FAM107B: variants seen among roughly 807,000 people sequenced by gnomAD.
The protein encoded by FAM107B is protein FAM107B.
FAM107B carries 21 observed loss-of-function variants against 31.5 expected under a neutral mutation model. The ratio of observed to expected loss-of-function variants is 0.67; its 90% CI spans 0.47 to 0.96. FAM107B has a LOEUF of 0.96. FAM107B is among the 40% of genes least tolerant of loss of function. The probability of loss-of-function intolerance (pLI) is 0.00; values close to 1 mark genes in which losing one functional copy is unlikely to be tolerated. For synonymous variants in FAM107B, 157 were observed against 141.5 expected (o/e 1.11, Z -0.78); for missense variants, 452 against 377.1 (o/e 1.20, Z -1.64).
intron 1 of FAM107B, among the ~76,000 whole-genome samples, chr10:14,720,367 C>T (rs184291532): frequency 2.6e-5 from 4 of 152,296 alleles, no homozygotes; most frequent in African/African-American, 9.6e-5. Context: ...GATTCTCCTG[C>T]CTCGGGCTCC....
intron 1 of FAM107B, among the ~76,000 whole-genome samples, chr10:14,718,518 G>A (rs1217768462): frequency 1.4e-5 from 2 of 138,182 alleles, no homozygotes; most frequent in Non-Finnish European, 3.2e-5. Context: ...GGGAGGGAGG[G>A]AAACGAAGGA....
intron 2 of FAM107B, among the ~76,000 whole-genome samples, chr10:14,596,941 G>A (rs576109899): frequency 2.6e-5 from 4 of 152,244 alleles, no homozygotes; most frequent in Admixed American, 6.5e-5. Context: ...AGAAGACGAC[G>A]CTGGGAAACA....
At chr10:14,695,006 T>C (rs1261251168) in intron 1 of FAM107B, among the ~76,000 whole-genome samples, 1 of 152,172 alleles carries the variant, frequency 6.6e-6, no homozygotes, top group African/African-American at 2.4e-5. Flanking sequence ...TAGTTTGATA[T>C]AGTCCCGTTT....
At chr10:14,556,022 G>C (rs1037482691) in intron 2 of FAM107B, 1 of 152,468 alleles carries the variant, frequency 6.6e-6, no homozygotes, top group African/African-American at 2.4e-5. Context: ...TTACCTGGCT[G>C]CAAGTGCAAT....
At chr10:14,665,278 C>T (rs1262761568) in intron 2 of FAM107B, among the ~76,000 whole-genome samples, 3 of 152,124 alleles carry the variant, frequency 2.0e-5, no homozygotes, top group African/African-American at 7.2e-5. Context: ...GAAATCTTTA[C>T]CACTTTGCTG....
At chr10:14,576,234 A>G (rs11812947) in intron 2 of FAM107B, among the ~76,000 whole-genome samples, 14 of 152,310 alleles carry the variant, frequency 9.2e-5, no homozygotes, top group African/African-American at 3.4e-4. Flanking sequence ...ATTTTTTAAA[A>G]AGCCACTGAG....
At chr10:14,568,190 G>C (rs936068328) in intron 2 of FAM107B, among the ~76,000 whole-genome samples, 1 of 152,224 alleles carries the variant, frequency 6.6e-6, no homozygotes, top group Non-Finnish European at 1.5e-5. Context: ...ACCCAAAAGT[G>C]GCCATGAGGG....
chr10:14,728,287 C>T (rs548872834), intron 1 of FAM107B, among the ~76,000 whole-genome samples: 22 of 151,800 alleles, frequency 1.4e-4, no homozygotes, highest in Non-Finnish European at 2.9e-4. Flanking sequence ...TAGCCAGCAA[C>T]GATCTTTCTC....
chr10:14,727,004 A>G (rs1033074942), intron 1 of FAM107B, among the ~76,000 whole-genome samples: 2 of 151,838 alleles, frequency 1.3e-5, no homozygotes, highest in Non-Finnish European at 2.9e-5. Context: ...GGGTGATGGG[A>G]GACAGTTACA....
At chr10:14,767,556 C>T (rs192633218) in intron 1 of FAM107B, among the ~76,000 whole-genome samples, 65 of 151,460 alleles carry the variant, frequency 4.3e-4, no homozygotes, top group African/African-American at 1.4e-3. Context: ...GACAGAATGA[C>T]GGAAAGAAAA....
chr10:14,537,412 G>A (rs1411952939), intron 2 of FAM107B, among the ~76,000 whole-genome samples: 4 of 152,282 alleles, frequency 2.6e-5, no homozygotes, highest in Non-Finnish European at 4.4e-5. Flanking sequence ...GGTTTGGGTG[G>A]GGCAACCCGC....
chr10:14,688,432 C>G (rs1352693396), intron 1 of FAM107B, among the ~76,000 whole-genome samples: 1 of 152,130 alleles, frequency 6.6e-6, no homozygotes, highest in Non-Finnish European at 1.5e-5. Flanking sequence ...AGAACTGTGA[C>G]TAATACACAC....
intron 1 of FAM107B, among the ~76,000 whole-genome samples, chr10:14,732,115 G>A (rs1407009412): frequency 6.6e-6 from 1 of 152,122 alleles, no homozygotes; most frequent in African/African-American, 2.4e-5. Context: ...CAGTTTCTAT[G>A]GTGAAGTAGA....
chr10:14,640,814 G>A (rs1222448278), intron 2 of FAM107B, among the ~76,000 whole-genome samples: 2 of 152,146 alleles, frequency 1.3e-5, no homozygotes, highest in South Asian at 2.1e-4. Context: ...CTAGCATCCA[G>A]AAGAGACAAA....
chr10:14,618,185 T>C (rs1256515484), intron 2 of FAM107B, among the ~76,000 whole-genome samples: 1 of 152,218 alleles, frequency 6.6e-6, no homozygotes, highest in Non-Finnish European at 1.5e-5. Context: ...TCAGGGCTGC[T>C]TTCACTTCAC....
chr10:14,560,045 G>A (rs566540391), intron 2 of FAM107B, among the ~76,000 whole-genome samples: 107 of 152,074 alleles, frequency 7.0e-4, no homozygotes, highest in African/African-American at 2.1e-3. Flanking sequence ...TGCAACCTGC[G>A]TGCCAGGCAC....
chr10:14,565,909 C>T (rs1358900387), intron 2 of FAM107B, among the ~76,000 whole-genome samples: 1 of 152,132 alleles, frequency 6.6e-6, no homozygotes, highest in Admixed American at 6.5e-5. Context: ...CTGGCAAATG[C>T]TGCTGAGAGG....
chr10:14,548,720 C>T (rs1174512906), intron 2 of FAM107B: 2 of 938,634 alleles, frequency 2.1e-6, no homozygotes, highest in Non-Finnish European at 2.5e-6. Flanking sequence ...CCACTCTAGC[C>T]GCAAAACGTG....
rs1018798454 is a variant in FAM107B, at chr10:14,762,761, C to T, written c.411+11492G>A. The stretch of plus-strand genomic sequence containing the variant: ...ACAGAGTGAAACTCTGTCTCACACA[C>T]ACACACACACACACACACACACACA... On this transcript the variant is annotated intron_variant, in intron 1 of 4. Transcript: ENST00000181796. Among the ~76,000 whole-genome samples, 32 of 112,996 alleles carry T rather than the reference C, an allele frequency of 2.8e-4. 1 individual carries two copies. Among genetic ancestry groups the T allele is most frequent in the African/African-American group, 1.2e-3 (27 of 23,240 alleles). The allele number at this position is 112,996 out of a possible 152,430, so 74.1% of individuals were successfully genotyped here.
Sources: gnomAD v4.1 joint callset for allele counts (sites outside exome capture counted in the v4.1 genomes callset) on GRCh38, gnomAD v4.1.1 for gene constraint, MANE v1.5 for transcripts, NCBI Gene and HGNC (gene_info 2026-07-23, HGNC 2026-07-21) for gene names.